Variants in UTRN observed in about 807,000 individuals in gnomAD.
The protein encoded by UTRN is utrophin.
A neutral mutation model predicts 463.9 loss-of-function variants in UTRN; 283 were observed. The ratio of observed to expected loss-of-function variants is 0.61; its 90% CI spans 0.55 to 0.67. The LOEUF (loss-of-function observed/expected upper bound fraction) is 0.67, where lower values mean the gene tolerates loss of function less well. UTRN is among the 30% of genes least tolerant of loss of function. The pLI is 0.00. For synonymous variants in UTRN, 1,442 were observed against 1,431.5 expected, an observed-to-expected ratio of 1.01 and a Z score of -0.17; for missense variants, 3,922 against 4,084.3, an observed-to-expected ratio of 0.96 and a Z score of 1.08.
intron 52 of UTRN, among the ~76,000 whole-genome samples, chr6:144,699,752 A>G (rs1784396941): frequency 6.7e-6 from 1 of 150,144 alleles, no homozygotes; most frequent in Non-Finnish European, 1.5e-5. Flanking sequence ...TGTGTTTTAA[A>G]TTTTGATAGT....
At chr6:144,748,220 A>T (rs763192767) in intron 54 of UTRN, 26 bp from the exon 55 acceptor site, 1 of 1,581,496 alleles carries the variant, frequency 6.3e-7, no homozygotes, top group African/African-American at 1.4e-5. Context: ...CATCCAAATT[A>T]TTCTTTTTCT....
intron 2 of UTRN, among the ~76,000 whole-genome samples, chr6:144,301,520 C>T (rs1805245172): frequency 1.4e-5 from 2 of 141,456 alleles, no homozygotes; most frequent in Admixed American, 6.9e-5. Flanking sequence ...TCATGCCATC[C>T]TATCTTTCTT....
At chr6:144,749,952 TAATA>T (rs1051046421) in intron 55 of UTRN, among the ~76,000 whole-genome samples, 1 of 152,184 alleles carries the variant, frequency 6.6e-6, no homozygotes, top group African/African-American at 2.4e-5. Flanking sequence ...TTTTAATCTT[TAATA>T]GATAAAAATA....
intron 25 of UTRN, among the ~76,000 whole-genome samples, chr6:144,476,371 C>A (rs967205992): frequency 1.3e-5 from 2 of 151,764 alleles, no homozygotes; most frequent in African/African-American, 4.8e-5. Flanking sequence ...ACTAGGGAGG[C>A]TTAACGAAGT....
intron 51 of UTRN, among the ~76,000 whole-genome samples, chr6:144,637,406 A>G (rs1476790049): frequency 1.3e-5 from 2 of 151,408 alleles, no homozygotes; most frequent in Admixed American, 1.3e-4. Context: ...TATAAAATAA[A>G]ATTATAGTTT....
At chr6:144,842,878 G>C (rs901537951) in intron 73 of UTRN, among the ~76,000 whole-genome samples, 2 of 150,482 alleles carry the variant, frequency 1.3e-5, no homozygotes, top group African/African-American at 2.4e-5. Flanking sequence ...TTGGCTTTTA[G>C]AGTCTCACAA....
chr6:144,803,161 C>T lies in UTRN; in HGVS notation c.9357+14C>T, dbSNP rs371463375. On this transcript the variant is annotated intron_variant, in intron 65 of 74. Coordinates refer to ENST00000367545, the MANE Select transcript of UTRN (RefSeq NM_007124.3). Reference sequence around the variant, plus strand: ...TATTGTATACCTGTGAGTACTAACCCACTGTTTTGTTTTTAATACATTGCC... The same window carrying T: ...TATTGTATACCTGTGAGTACTAACCTACTGTTTTGTTTTTAATACATTGCC... 23 of 1,449,620 alleles carry T rather than the reference C, an allele frequency of 1.6e-5. No individual in the cohort carries two copies. Among genetic ancestry groups the T allele is most frequent in the Non-Finnish European group, 1.9e-5 (21 of 1,092,914 alleles). The allele number at this position is 1,449,620 out of a possible 1,614,324, so 89.8% of individuals were successfully genotyped here.
Position 144,828,819 on chromosome 6 carries a change from C to A in UTRN, c.9629C>A (p.Ser3210Tyr). The change falls in exon 69 of 75, where the codon TCT becomes TAT. Residue 3210 changes from serine (S) to tyrosine (Y), a missense_variant. Around this residue, in one of 3 missense-constraint regions of UTRN, gnomAD observed 1,309 missense variants for 1,452.6 expected, o/e 0.90. Coordinates refer to ENST00000367545, the MANE Select transcript of UTRN (RefSeq NM_007124.3). Reference sequence around the variant, plus strand: ...GCCCAGATGGAAAGGACTAATGGGTCTTTTCTCACTGATAGCAGCTCCACC... The same window carrying A: ...GCCCAGATGGAAAGGACTAATGGGTATTTTCTCACTGATAGCAGCTCCACC... ...RLAQMERTNG[S>Y]FLTDSSSTTG... The A allele has an allele frequency of 6.2e-7, 1 of 1,613,396 alleles. No homozygotes were observed. The highest frequency in any genetic ancestry group is 8.5e-7 in the Non-Finnish European group (1 of 1,179,546).
chr6:144,848,800 T>C (rs1228772265), intron 74 of UTRN, among the ~76,000 whole-genome samples: 1 of 152,102 alleles, frequency 6.6e-6, no homozygotes, highest in East Asian at 1.9e-4. Flanking sequence ...AAAATGGCTT[T>C]AGAGTAGGGG....
At chr6:144,672,094 AT>A (rs1217750263) in intron 51 of UTRN, among the ~76,000 whole-genome samples, 1 of 151,996 alleles carries the variant, frequency 6.6e-6, no homozygotes, top group South Asian at 2.1e-4. Context: ...ATCTGTGTTT[AT>A]CAGTGATATT....
At chr6:144,513,130 C>T (rs1209637497) in intron 35 of UTRN, among the ~76,000 whole-genome samples, 1 of 152,142 alleles carries the variant, frequency 6.6e-6, no homozygotes, top group Non-Finnish European at 1.5e-5. Flanking sequence ...TGGTCTGTGC[C>T]AGATGTAATA....
At position 144,700,236 on chromosome 6, in the gene UTRN, A is replaced by G. The variant is rs1429011200; in HGVS notation, c.7802A>G (p.His2601Arg). 6.2e-7 allele frequency: 1 copy of G among 1,611,960 alleles called. No homozygotes were observed. Among genetic ancestry groups the G allele is most frequent in the Non-Finnish European group, 8.5e-7 (1 of 1,178,674 alleles). Residue 2601 changes from histidine (H) to arginine (R), a missense_variant, in exon 53 of 75, where the codon CAT (histidine) becomes CGT (arginine). Around this residue, in one of 3 missense-constraint regions of UTRN, gnomAD observed 1,309 missense variants for 1,452.6 expected, o/e 0.90. Transcript: ENST00000367545. ...DVPALQLQYD[H>R]CKALRRELKE... ...CCAGCCTTACAGCTCCAGTATGACC[A>G]TTGTAAGGTAAGTGGATAACCTATA...
intron 53 of UTRN, among the ~76,000 whole-genome samples, chr6:144,723,168 G>T (rs947707583): frequency 1.3e-5 from 2 of 152,078 alleles, no homozygotes; most frequent in African/African-American, 2.4e-5. Flanking sequence ...AAAGAGAAAA[G>T]GATATTTGCT....
At chr6:144,797,117 G>A (rs1288255760) in intron 63 of UTRN, among the ~76,000 whole-genome samples, 4 of 151,868 alleles carry the variant, frequency 2.6e-5, no homozygotes, top group Admixed American at 1.3e-4. Flanking sequence ...CTTTTATTTA[G>A]CATTTATAAT....
At chr6:144,352,319 TAGA>T (rs1778179391) in intron 2 of UTRN, among the ~76,000 whole-genome samples, 2 of 152,190 alleles carry the variant, frequency 1.3e-5, no homozygotes. Flanking sequence ...CTTTTGGGGA[TAGA>T]GGAGAAATAA....
At chr6:144,407,410 A>G (rs1783515929) in intron 3 of UTRN, among the ~76,000 whole-genome samples, 2 of 152,186 alleles carry the variant, frequency 1.3e-5, no homozygotes, top group African/African-American at 4.8e-5. Context: ...TAAGTCCTGG[A>G]TATGAATACA....
intron 52 of UTRN, among the ~76,000 whole-genome samples, chr6:144,684,053 T>C (rs1782484056): frequency 1.3e-5 from 2 of 150,956 alleles, no homozygotes; most frequent in South Asian, 4.2e-4. Flanking sequence ...CCTTTACTTT[T>C]TTTTTTTTTT....
At chr6:144,346,847 A>G (rs937376385) in intron 2 of UTRN, among the ~76,000 whole-genome samples, 1 of 149,022 alleles carries the variant, frequency 6.7e-6, no homozygotes, top group Admixed American at 6.6e-5. Context: ...CTCTATCTCT[A>G]TCACTATCTC....
intron 25 of UTRN, among the ~76,000 whole-genome samples, chr6:144,479,091 G>T (rs1442560564): frequency 1.3e-5 from 2 of 149,992 alleles, no homozygotes; most frequent in Non-Finnish European, 3.0e-5. Context: ...AGAAGAAAAT[G>T]GACATTTTGA....
Sources: allele counts gnomAD v4.1 joint callset (sites outside exome capture counted in the v4.1 genomes callset), GRCh38; gene constraint gnomAD v4.1.1; regional missense constraint gnomAD v4.1.1; transcripts MANE v1.5; gene names NCBI Gene and HGNC (gene_info 2026-07-23, HGNC 2026-07-21).